CADM1: variants seen among roughly 807,000 people sequenced by gnomAD.
CADM1 encodes TSLC-1.
In CADM1, 15 loss-of-function variants were observed where a neutral mutation model predicts 53.1. That is an observed-to-expected ratio of 0.28 (90% CI 0.19 to 0.44). CADM1 has a LOEUF of 0.44. CADM1 is among the 20% of genes least tolerant of loss of function. CADM1 has a pLI of 1.00. For synonymous variants in CADM1, 281 were observed against 243.0 expected (o/e 1.16, Z -1.45); for missense variants, 434 against 611.3 (o/e 0.71, Z 3.06).
At chr11:115,405,069 C>G (rs1024093397) in intron 1 of CADM1, among the ~76,000 whole-genome samples, 12 of 152,104 alleles carry the variant, frequency 7.9e-5, no homozygotes, top group African/African-American at 2.7e-4. Context: ...AAGCAATCCT[C>G]TCACCTCAGT....
intron 9 of CADM1, among the ~76,000 whole-genome samples, chr11:115,196,595 T>TAAAAAAAAAAAAAAC (rs1940160788): frequency 1.3e-5 from 1 of 76,894 alleles, no homozygotes; most frequent in African/African-American, 5.1e-5. Context: ...GCTGATGAAC[T>TAAAAAAAAAAAAAAC]AAAAAAAAAA....
intron 1 of CADM1, among the ~76,000 whole-genome samples, chr11:115,482,004 G>T (rs902006727): frequency 1.2e-4 from 18 of 152,162 alleles, no homozygotes; most frequent in African/African-American, 4.3e-4. Flanking sequence ...TTTGACAATT[G>T]TGTACCCTCT....
intron 1 of CADM1, chr11:115,399,346 A>C (rs1180709908): frequency 6.6e-6 from 1 of 152,212 alleles, no homozygotes; most frequent in Non-Finnish European, 1.5e-5. Flanking sequence ...TGTTTACAAG[A>C]AATTATCTAG....
Position 115,178,717 on chromosome 11 carries a change from G to A in CADM1, c.1224C>T (p.Gly408=), listed in dbSNP as rs200596202. The change falls in exon 11 of 12, where the codon GGC becomes GGT. Residue 408 remains glycine (G), a synonymous_variant. Coordinates refer to ENST00000331581, the MANE Select transcript of CADM1 (RefSeq NM_001301043.2). The part of the protein sequence containing the change: ...IRAVDHAVIG[G]VVAVVVFAML... ...TGGCGAACACCACCACCGCCACGAC[G>A]CCACCGATCACGGCATGATCCACTG... 9.9e-6 allele frequency: 16 copies of A among 1,613,730 alleles called. No individual in the cohort carries two copies. The highest frequency in any genetic ancestry group is 2.2e-5 in the East Asian group (1 of 44,868).
chr11:115,187,830 A>T (rs2134628822), intron 10 of CADM1, among the ~76,000 whole-genome samples: 1 of 152,316 alleles, frequency 6.6e-6, no homozygotes, highest in Non-Finnish European at 1.5e-5. Context: ...TAACACCTAG[A>T]TGAGGGTTAG....
At chr11:115,358,164 G>A (rs1488585721) in intron 1 of CADM1, among the ~76,000 whole-genome samples, 5 of 152,112 alleles carry the variant, frequency 3.3e-5, no homozygotes, top group Non-Finnish European at 7.4e-5. Context: ...CCTTCCTATA[G>A]CAGCACCATC....
chr11:115,222,277 G>A (rs1938736), intron 5 of CADM1, among the ~76,000 whole-genome samples: 1 of 151,842 alleles, frequency 6.6e-6, no homozygotes, highest in Non-Finnish European at 1.5e-5. Flanking sequence ...GGAGTAGAAC[G>A]ACAATGCAAA....
intron 3 of CADM1, among the ~76,000 whole-genome samples, chr11:115,232,999 C>G (rs761814778): frequency 2.0e-5 from 3 of 152,196 alleles, no homozygotes; most frequent in African/African-American, 4.8e-5. Context: ...TCCAACTGTT[C>G]TAGTCCACAA....
chr11:115,446,765 C>T (rs929377858), intron 1 of CADM1, among the ~76,000 whole-genome samples: 18 of 152,126 alleles, frequency 1.2e-4, no homozygotes, highest in African/African-American at 3.6e-4. Flanking sequence ...CCCTCAGCCT[C>T]GACTAGGAGA....
At chr11:115,393,072 A>G (rs1946882685) in intron 1 of CADM1, among the ~76,000 whole-genome samples, 1 of 147,938 alleles carries the variant, frequency 6.8e-6, no homozygotes, top group Admixed American at 6.8e-5. Context: ...CTTCCAAAAA[A>G]AAAAAAAAAA....
rs144636258 is a variant in CADM1, at chr11:115,303,847, G to A, written c.125-63427C>T. On this transcript the variant is annotated intron_variant, in intron 1 of 11. Transcript: ENST00000331581. ...TATACAACTGTATTCATATCCTGGC[G>A]CTTGTCCACCCTAAATAGTTTACCA... 4.5e-3 allele frequency among the ~76,000 whole-genome samples: 686 copies of A among 152,062 alleles called. 13 individuals carry two copies. Among genetic ancestry groups the A allele is most frequent in the South Asian group, 0.011 (52 of 4,812 alleles).
intron 1 of CADM1, among the ~76,000 whole-genome samples, chr11:115,482,051 C>T (rs185411057): frequency 2.8e-4 from 42 of 152,310 alleles, no homozygotes; most frequent in African/African-American, 1.0e-3. Flanking sequence ...AAAGGCTATT[C>T]CCCTCAGCCA....
At chr11:115,299,576 G>C (rs1166928610) in intron 1 of CADM1, among the ~76,000 whole-genome samples, 1 of 152,104 alleles carries the variant, frequency 6.6e-6, no homozygotes, top group Admixed American at 6.6e-5. Context: ...TAAATTAGGA[G>C]ATATTTATAT....
At chr11:115,239,554 T>C (rs1463011309) in intron 2 of CADM1, among the ~76,000 whole-genome samples, 1 of 152,234 alleles carries the variant, frequency 6.6e-6, no homozygotes. Context: ...GCTTATTTCC[T>C]TTTATCTTTC....
intron 5 of CADM1, among the ~76,000 whole-genome samples, chr11:115,220,442 C>CA (rs945976920): frequency 6.6e-6 from 1 of 152,120 alleles, no homozygotes; most frequent in African/African-American, 2.4e-5. Context: ...TACTAAATCA[C>CA]AAAAAATACA....
chr11:115,434,049 T>G (rs538461050), intron 1 of CADM1, among the ~76,000 whole-genome samples: 1 of 152,266 alleles, frequency 6.6e-6, no homozygotes, highest in African/African-American at 2.4e-5. Flanking sequence ...GTCAAAAAAA[T>G]TTCCTCTAGT....
At chr11:115,237,472 AAT>A (rs1467749505) in intron 3 of CADM1, among the ~76,000 whole-genome samples, 1 of 152,242 alleles carries the variant, frequency 6.6e-6, no homozygotes, top group Non-Finnish European at 1.5e-5. Flanking sequence ...GAAGTAAAGT[AAT>A]GAGGCAGCAG....
rs12290537 is a variant in CADM1 at position 115,246,941 on chromosome 11, G to A, written c.125-6521C>T. On this transcript the variant is annotated intron_variant, in intron 1 of 11. Transcript: ENST00000331581. ...GCAAGTTTAAGAGTAATCCTCCTCTGTGCTGGATTTTTCTTCAATTAAAAT... is the reference window on the plus strand; with the variant it reads ...GCAAGTTTAAGAGTAATCCTCCTCTATGCTGGATTTTTCTTCAATTAAAAT... Among the ~76,000 whole-genome samples the A allele has an allele frequency of 2.2e-3, 331 of 152,266 alleles. 3 individuals are homozygous for A. Among genetic ancestry groups the A allele is most frequent in the African/African-American group, 7.7e-3 (318 of 41,562 alleles).
chr11:115,271,474 C>T (rs1253589839), intron 1 of CADM1, among the ~76,000 whole-genome samples: 1 of 152,074 alleles, frequency 6.6e-6, no homozygotes, highest in East Asian at 1.9e-4. Context: ...AGTAGAGACA[C>T]GGTTTCACCG....
Sources: allele counts gnomAD v4.1 joint callset (sites outside exome capture counted in the v4.1 genomes callset), GRCh38; gene constraint gnomAD v4.1.1; transcripts MANE v1.5; gene names NCBI Gene and HGNC (gene_info 2026-07-23, HGNC 2026-07-21).